Variants in TMEM178A observed in about 807,000 individuals in gnomAD.
The protein encoded by TMEM178A is transmembrane protein 178A, also known as transmembrane protein 178.
Under a neutral mutation model 29.1 loss-of-function variants are expected in TMEM178A, and 12 were observed. The ratio of observed to expected loss-of-function variants is 0.41; its 90% CI spans 0.26 to 0.67. The LOEUF is 0.67. Among genes scored for constraint, TMEM178A ranks in the 30% least tolerant of loss-of-function variants. The pLI is 0.29. For missense variants in TMEM178A, 366 were observed against 419.1 expected (o/e 0.87, Z 1.11); for synonymous variants, 210 against 187.2 (o/e 1.12, Z -0.99).
chr2:39,733,927 G>A, the TMEM178A span, among the ~76,000 whole-genome samples: 2 of 152,020 alleles, frequency 1.3e-5, no homozygotes, highest in Non-Finnish European at 2.9e-5. Flanking sequence ...ATTCAAGGAC[G>A]TCGCTCTAGC....
At chr2:39,716,744 T>C (rs530555927) in intron 3 of TMEM178A, among the ~76,000 whole-genome samples, 2 of 152,314 alleles carry the variant, frequency 1.3e-5, no homozygotes, top group East Asian at 3.9e-4. Flanking sequence ...CCATTTGAAT[T>C]AGATAATTCT....
At chr2:39,681,662 A>G (rs773268226) in intron 1 of TMEM178A, among the ~76,000 whole-genome samples, 2 of 152,208 alleles carry the variant, frequency 1.3e-5, no homozygotes, top group Non-Finnish European at 2.9e-5. Flanking sequence ...ACTAGGGAAG[A>G]GTCTTACAAA....
the TMEM178A span, among the ~76,000 whole-genome samples, chr2:39,724,248 A>G: frequency 6.6e-6 from 1 of 151,986 alleles, no homozygotes; most frequent in African/African-American, 2.4e-5. Flanking sequence ...CCCTGACGGC[A>G]TTTTTTAAAT....
At chr2:39,726,463 C>G in the TMEM178A span, among the ~76,000 whole-genome samples, 10 of 152,174 alleles carry the variant, frequency 6.6e-5, no homozygotes, top group African/African-American at 1.9e-4. Context: ...GGCTATCCAG[C>G]ACCCTTTGAA....
intron 1 of TMEM178A, among the ~76,000 whole-genome samples, chr2:39,675,101 T>A (rs1670561050): frequency 6.6e-6 from 1 of 152,200 alleles, no homozygotes; most frequent in Admixed American, 6.5e-5. Context: ...GGGGATGCTA[T>A]TATCAGCATA....
intron 1 of TMEM178A, among the ~76,000 whole-genome samples, chr2:39,670,795 G>T (rs907310857): frequency 2.0e-5 from 3 of 152,286 alleles, no homozygotes; most frequent in South Asian, 2.1e-4. Flanking sequence ...TGGAGTCATA[G>T]AAATGACATT....
At chr2:39,730,523 A>G in the TMEM178A span, among the ~76,000 whole-genome samples, 1 of 152,154 alleles carries the variant, frequency 6.6e-6, no homozygotes, top group African/African-American at 2.4e-5. Flanking sequence ...GTCTGGCACC[A>G]AGAAGCTTAT....
chr2:39,679,001 C>G (rs780366438), intron 1 of TMEM178A, among the ~76,000 whole-genome samples: 8 of 152,190 alleles, frequency 5.3e-5, no homozygotes, highest in Non-Finnish European at 8.8e-5. Context: ...TCCTCTCTAG[C>G]TTTCCTTGCC....
intron 1 of TMEM178A, among the ~76,000 whole-genome samples, chr2:39,668,650 C>T (rs1016631559): frequency 6.6e-6 from 1 of 152,118 alleles, no homozygotes; most frequent in Admixed American, 6.5e-5. Context: ...CGCTATTAAG[C>T]AATGAGGAGT....
chr2:39,724,582 A>T, the TMEM178A span, among the ~76,000 whole-genome samples: 1 of 152,186 alleles, frequency 6.6e-6, no homozygotes, highest in Non-Finnish European at 1.5e-5. Context: ...TTTTTTTATT[A>T]TATCTCAAGG....
At chr2:39,732,072 C>T in the TMEM178A span, among the ~76,000 whole-genome samples, 1 of 152,116 alleles carries the variant, frequency 6.6e-6, no homozygotes, top group African/African-American at 2.4e-5. Flanking sequence ...TAAACTGATA[C>T]TCATGAGGAT....
At chr2:39,710,236 T>C (rs1172585795) in intron 3 of TMEM178A, among the ~76,000 whole-genome samples, 1 of 152,122 alleles carries the variant, frequency 6.6e-6, no homozygotes, top group African/African-American at 2.4e-5. Flanking sequence ...AACAATAAAC[T>C]TGAAGTTTGA....
chr2:39,697,527 C>G (rs963918397), intron 1 of TMEM178A, among the ~76,000 whole-genome samples: 2 of 152,202 alleles, frequency 1.3e-5, no homozygotes, highest in Non-Finnish European at 2.9e-5. Context: ...GCAAACTCAG[C>G]TGTGGAGCTC....
chr2:39,678,937 T>C (rs968589184), intron 1 of TMEM178A, among the ~76,000 whole-genome samples: 1 of 152,222 alleles, frequency 6.6e-6, no homozygotes, highest in African/African-American at 2.4e-5. Context: ...CCATCCTCTC[T>C]TGTCCATCTG....
At chr2:39,706,839 G>A (rs1233939462) in intron 2 of TMEM178A, among the ~76,000 whole-genome samples, 11 of 152,134 alleles carry the variant, frequency 7.2e-5, no homozygotes. Context: ...ACTCAGAGAC[G>A]GTATAGTCTG....
intron 1 of TMEM178A, among the ~76,000 whole-genome samples, chr2:39,696,097 T>G (rs147619263): frequency 9.9e-5 from 15 of 152,244 alleles, no homozygotes; most frequent in African/African-American, 3.6e-4. Context: ...CAACTGAGAC[T>G]CCAGAGGCCT....
chr2:39,684,869 A>G (rs1251522960), intron 1 of TMEM178A, among the ~76,000 whole-genome samples: 1 of 151,998 alleles, frequency 6.6e-6, no homozygotes, highest in Non-Finnish European at 1.5e-5. Context: ...TGGAACAGCC[A>G]TTTACTTCCC....
intron 1 of TMEM178A, among the ~76,000 whole-genome samples, chr2:39,676,096 C>T (rs768817623): frequency 6.6e-6 from 1 of 152,196 alleles, no homozygotes; most frequent in Non-Finnish European, 1.5e-5. Context: ...AGCAGTATTT[C>T]TCATTAGATA....
intron 1 of TMEM178A, among the ~76,000 whole-genome samples, chr2:39,677,870 A>G (rs1178758218): frequency 2.6e-5 from 4 of 152,198 alleles, no homozygotes; most frequent in Non-Finnish European, 4.4e-5. Flanking sequence ...ATTTTAGCAC[A>G]GAAGCCTCAG....
Sources: allele counts gnomAD v4.1 joint callset (sites outside exome capture counted in the v4.1 genomes callset), GRCh38; gene constraint gnomAD v4.1.1; transcripts MANE v1.5; gene names NCBI Gene and HGNC (gene_info 2026-07-23, HGNC 2026-07-21).